The following ZSWIM5 variants were observed in gnomAD, a reference collection of about 807,000 sequenced individuals.
ZSWIM5 encodes zinc finger SWIM domain-containing protein 5.
Under a neutral mutation model 119.6 loss-of-function variants are expected in ZSWIM5, and 55 were observed. The ratio of observed to expected loss-of-function variants is 0.46; its 90% confidence interval spans 0.37 to 0.58. The LOEUF is 0.58. ZSWIM5 is among the 20% of genes least tolerant of loss of function. ZSWIM5 has a pLI of 0.00. For missense variants in ZSWIM5, 1,193 were observed against 1,512.8 expected (o/e 0.79, Z 3.51); for synonymous variants, 537 against 606.9 (o/e 0.88, Z 1.69).
In ZSWIM5 at chr1:45,132,719, C is replaced by T. The variant is rs1385695863; in HGVS notation, c.596-44482G>A. Among the ~76,000 whole-genome samples the T allele has an allele frequency of 2.0e-5, 3 of 152,144 alleles. No individual in the cohort carries two copies. The East Asian group carries it at 5.8e-4, about 29-fold the overall frequency. ...TGTTGGTGTGCTGCACCCATTAACT[C>T]GTCATTTGCATTTGGTATATCTCCT... On this transcript the variant is annotated intron_variant, in intron 1 of 13. Transcript: ENST00000359600.
chr1:45,154,238 G>GA (rs969047964), intron 1 of ZSWIM5, among the ~76,000 whole-genome samples: 23 of 149,940 alleles, frequency 1.5e-4, no homozygotes, highest in African/African-American at 2.2e-4. Flanking sequence ...TACAAAACTA[G>GA]AAAAAAAAAC....
rs1376997628 is a variant in ZSWIM5 at position 45,206,512 on chromosome 1, C to A, written c.-162G>T. The A allele has an allele frequency of 2.8e-6, 3 of 1,086,988 alleles. No homozygotes were observed. Among genetic ancestry groups the A allele is most frequent in the Non-Finnish European group, 3.3e-6 (3 of 897,502 alleles). 67.3% of individuals were successfully genotyped at this position (1,086,988 alleles called of 1,614,324 possible). On this transcript the variant is annotated 5_prime_UTR_variant, in exon 1 of 14. Coordinates refer to ENST00000359600, the MANE Select transcript of ZSWIM5 (RefSeq NM_020883.2). The stretch of plus-strand genomic sequence containing the variant: ...GCCGGCCCGAGTGGGGAACCGCGGC[C>A]GGGCCCGGGAGCGCGCCGCGAGGGC...
At chr1:45,023,504 CT>C (rs34813125) in intron 11 of ZSWIM5, among the ~76,000 whole-genome samples, 111 of 139,166 alleles carry the variant, frequency 8.0e-4, no homozygotes, top group African/African-American at 2.9e-3. Flanking sequence ...TTCCATGTCT[CT>C]TTTTTTTTTT....
chr1:45,039,090 TA>T lies in ZSWIM5; in HGVS notation c.1757-18del. The T allele has an allele frequency of 6.2e-7, 1 of 1,613,864 alleles. No individual in the cohort carries two copies. Among genetic ancestry groups the T allele is most frequent in the Non-Finnish European group, 8.5e-7 (1 of 1,179,832 alleles). On this transcript the variant is annotated intron_variant, in intron 7 of 13. Coordinates refer to ENST00000359600, the MANE Select transcript of ZSWIM5 (RefSeq NM_020883.2). ...GCAACAGTTCTGGAAACAAGCAGGTTAAAATTTTAGACAGTGATAGAGACAA... is the reference window on the plus strand; with the variant it reads ...GCAACAGTTCTGGAAACAAGCAGGTTAAATTTTAGACAGTGATAGAGACAA...
chr1:45,044,806 TATATATATATATATAA>T (rs1382373537), intron 5 of ZSWIM5, among the ~76,000 whole-genome samples: 16 of 9,962 alleles, frequency 1.6e-3, no homozygotes, highest in East Asian at 4.0e-3. Flanking sequence ...TATATATAAA[TATATATATATATATAA>T]ATATATATAT....
At chr1:45,105,710 G>GC (rs1341946399) in intron 1 of ZSWIM5, among the ~76,000 whole-genome samples, 1 of 143,740 alleles carries the variant, frequency 7.0e-6, no homozygotes, top group African/African-American at 2.6e-5. Flanking sequence ...CTGCCTGGCT[G>GC]CCCCCGTCGG....
chr1:45,077,076 T>A (rs1197192227), intron 2 of ZSWIM5, among the ~76,000 whole-genome samples: 3 of 152,184 alleles, frequency 2.0e-5, no homozygotes, highest in African/African-American at 7.2e-5. Flanking sequence ...AGGTCACACA[T>A]CTGTGTTTCT....
At chr1:45,199,595 T>C (rs1038668589) in intron 1 of ZSWIM5, among the ~76,000 whole-genome samples, 1 of 152,122 alleles carries the variant, frequency 6.6e-6, no homozygotes, top group Non-Finnish European at 1.5e-5. Context: ...CTGGCCTCAA[T>C]AGTCTACTTT....
At chr1:45,152,453 G>A (rs548580717) in intron 1 of ZSWIM5, among the ~76,000 whole-genome samples, 24 of 151,702 alleles carry the variant, frequency 1.6e-4, no homozygotes, top group Non-Finnish European at 2.8e-4. Flanking sequence ...AATGGAGCAC[G>A]TCTATAGCCA....
intron 1 of ZSWIM5, among the ~76,000 whole-genome samples, chr1:45,147,907 CAG>C (rs60109087): frequency 0.069 from 10,474 of 151,970 alleles, 413 homozygotes; most frequent in East Asian, 0.11. Flanking sequence ...AAAATAAAAA[CAG>C]AGAGATGTGG....
At chr1:45,093,819 T>C (rs960622011) in intron 1 of ZSWIM5, among the ~76,000 whole-genome samples, 10 of 150,916 alleles carry the variant, frequency 6.6e-5, no homozygotes, top group African/African-American at 2.4e-4. Flanking sequence ...CAATAATCTA[T>C]TAATTTAAGC....
At chr1:45,046,325 G>T (rs1234370247) in intron 5 of ZSWIM5, among the ~76,000 whole-genome samples, 1 of 152,182 alleles carries the variant, frequency 6.6e-6, no homozygotes, top group African/African-American at 2.4e-5. Context: ...ATGGTAGTTG[G>T]CAGAGAAATA....
intron 11 of ZSWIM5, among the ~76,000 whole-genome samples, chr1:45,030,494 G>A (rs866125373): frequency 6.6e-6 from 1 of 151,860 alleles, no homozygotes; most frequent in Non-Finnish European, 1.5e-5. Context: ...TTATCCGCCC[G>A]CCTCAGCCTC....
intron 1 of ZSWIM5, among the ~76,000 whole-genome samples, chr1:45,161,047 C>T (rs554403531): frequency 6.7e-6 from 1 of 148,470 alleles, no homozygotes; most frequent in East Asian, 2.0e-4. Flanking sequence ...GGCTGGTCAA[C>T]CCCTGACCTC....
intron 11 of ZSWIM5, among the ~76,000 whole-genome samples, chr1:45,021,312 AG>A (rs1402852373): frequency 6.6e-6 from 1 of 152,208 alleles, no homozygotes; most frequent in East Asian, 1.9e-4. Flanking sequence ...TTTAGGTACC[AG>A]AAATAATTTT....
intron 11 of ZSWIM5, among the ~76,000 whole-genome samples, chr1:45,033,686 A>G (rs938000091): frequency 1.3e-5 from 2 of 151,280 alleles, no homozygotes; most frequent in African/African-American, 2.4e-5. Context: ...TGGCCCTGGG[A>G]GGCTGACAGG....
At chr1:45,115,636 G>T (rs561570409) in intron 1 of ZSWIM5, among the ~76,000 whole-genome samples, 1 of 142,032 alleles carries the variant, frequency 7.0e-6, no homozygotes, top group South Asian at 2.3e-4. Context: ...GGGAAGAGGC[G>T]CTCCTCACTT....
chr1:45,176,310 C>T (rs1456172865), intron 1 of ZSWIM5, among the ~76,000 whole-genome samples: 1 of 152,004 alleles, frequency 6.6e-6, no homozygotes, highest in East Asian at 1.9e-4. Flanking sequence ...GTTGCCCAGG[C>T]TGGAGTGCTA....
chr1:45,039,256 G>A (rs1645004442), intron 7 of ZSWIM5, among the ~76,000 whole-genome samples, 183 bp from the exon 8 acceptor site: 1 of 152,170 alleles, frequency 6.6e-6, no homozygotes, highest in Non-Finnish European at 1.5e-5. Flanking sequence ...AAGGTCACGT[G>A]GTCTGCATTT....
Sources: gnomAD v4.1 joint callset for allele counts (sites outside exome capture counted in the v4.1 genomes callset) on GRCh38, gnomAD v4.1.1 for gene constraint, MANE v1.5 for transcripts, NCBI Gene and HGNC (gene_info 2026-07-23, HGNC 2026-07-21) for gene names.